EVI2A: variants seen among roughly 807,000 people sequenced by gnomAD.
The protein encoded by EVI2A is ecotropic viral integration site 2A.
In EVI2A, 11 loss-of-function variants were observed where a neutral mutation model predicts 13.0. That is an observed-to-expected ratio of 0.85 (90% CI 0.53 to 1.40). EVI2A has a LOEUF of 1.40. Ranked by LOEUF, EVI2A falls within the 40% of genes most tolerant of loss-of-function variation. EVI2A has a pLI of 0.00. For missense variants in EVI2A, 267 were observed against 279.5 expected, an observed-to-expected ratio of 0.96 and a Z score of 0.32; for synonymous variants, 89 against 98.0, an observed-to-expected ratio of 0.91 and a Z score of 0.54.
rs2069058781 is a variant in EVI2A at position 31,317,637 on chromosome 17, T to C, written c.*666A>G. The C allele has an allele frequency of 1.3e-5, 2 of 152,212 alleles. No individual in the cohort carries two copies. The highest frequency in any genetic ancestry group is 6.5e-5 in the Admixed American group (1 of 15,278). 9.4% of individuals were successfully genotyped at this position (152,212 alleles called of 1,614,324 possible). A position where few individuals can be genotyped will look rare whatever the true frequency, so the allele number is the denominator to read the frequency against. On this transcript the variant is annotated 3_prime_UTR_variant, in exon 2 of 2. Transcript: ENST00000462804. ...GATCTTTACAATGTGTTCTCTAAAGTAATAAAGTGAATGCAAATATACGTG... is the reference window on the plus strand; with the variant it reads ...GATCTTTACAATGTGTTCTCTAAAGCAATAAAGTGAATGCAAATATACGTG...
intron 1 of EVI2A, among the ~76,000 whole-genome samples, chr17:31,320,027 C>G (rs1464906680): frequency 6.6e-6 from 1 of 151,948 alleles, no homozygotes; most frequent in Non-Finnish European, 1.5e-5. Context: ...AAAAAGGAGA[C>G]AAGTTATATT....
At chr17:31,320,295 C>A in intron 1 of EVI2A, 2 of 1,201,152 alleles carry the variant, frequency 1.7e-6, no homozygotes, top group Non-Finnish European at 2.3e-6. Context: ...AAGAACCCTA[C>A]GTATGCTATA....
chr17:31,318,421 C>A lies in EVI2A; in HGVS notation c.593G>T (p.Arg198Ile), dbSNP rs1474458427. The A allele has an allele frequency of 3.7e-6, 6 of 1,613,912 alleles. No individual in the cohort carries two copies. Among genetic ancestry groups the A allele is most frequent in the Non-Finnish European group, 5.1e-6 (6 of 1,179,980 alleles). The change falls in exon 2 of 2, where the codon AGA becomes ATA. Residue 198 changes from arginine to isoleucine, a missense_variant. Arg to Ile is a moderately conservative substitution (Grantham distance 97). Coordinates refer to ENST00000462804, the MANE Select transcript of EVI2A (RefSeq NM_014210.4). ...LWPAESDTWK[R>I]TKQLTGPNLV... Reference sequence around the variant, plus strand: ...GTTGGGTCCTGTGAGCTGTTTTGTTCTTTTCCAAGTGTCTGATTCAGCGGG... The same window carrying A: ...GTTGGGTCCTGTGAGCTGTTTTGTTATTTTCCAAGTGTCTGATTCAGCGGG...
rs1221199835 is a variant in EVI2A at position 31,316,878 on chromosome 17, A to G, written c.*1425T>C. 6.6e-6 allele frequency among the ~76,000 whole-genome samples: 1 copy of G among 152,190 alleles called. No homozygotes were observed. The highest frequency in any genetic ancestry group is 1.5e-5 in the Non-Finnish European group (1 of 68,034). ...GCTTTATTTTTTTCCTCTCATTTTA[A>G]TAATAGCTAGACGTTTGAATTTGAT... On this transcript the variant is annotated 3_prime_UTR_variant, in exon 2 of 2. Coordinates refer to ENST00000462804, the MANE Select transcript of EVI2A (RefSeq NM_014210.4).
Position 31,319,164 on chromosome 17 carries a change from C to T in EVI2A, c.-10-141G>A, listed in dbSNP as rs543168834. ...TAATATTCGCTACCCTGAATTCCTT[C>T]TCAACTAAATTTCTTTTCTATTCAG... On this transcript the variant is annotated intron_variant, in intron 1 of 1. Transcript: ENST00000462804. 3.2e-5 allele frequency: 28 copies of T among 862,828 alleles called. No homozygotes were observed. The Middle Eastern group carries it at 8.0e-4, about 25-fold the overall frequency. The allele number at this position is 862,828 out of a possible 1,614,324, so 53.4% of individuals were successfully genotyped here. A position where few individuals can be genotyped will look rare whatever the true frequency, so the allele number is the denominator to read the frequency against.
At chr17:31,319,867 C>G (rs1420969732) in intron 1 of EVI2A, among the ~76,000 whole-genome samples, 1 of 151,138 alleles carries the variant, frequency 6.6e-6, no homozygotes, top group Non-Finnish European at 1.5e-5. Context: ...CTGATTTTGA[C>G]ATAATTGTAA....
At chr17:31,319,284 A>G (rs1350835493) in intron 1 of EVI2A, among the ~76,000 whole-genome samples, 2 of 151,968 alleles carry the variant, frequency 1.3e-5, no homozygotes, top group Non-Finnish European at 2.9e-5. Context: ...GTGGACTATC[A>G]TGGCTTTATA....
chr17:31,321,084 G>A (rs939700960), intron 1 of EVI2A: 19 of 152,250 alleles, frequency 1.2e-4, no homozygotes, highest in African/African-American at 2.6e-4. Flanking sequence ...ATTGAGGACT[G>A]TTTTTACTCC....
chr17:31,320,624 A>G, intron 1 of EVI2A: 1 of 470,854 alleles, frequency 2.1e-6, no homozygotes, highest in East Asian at 3.1e-5. Context: ...TATTAATAGT[A>G]GGGAGGAAAA....
Position 31,317,329 on chromosome 17 carries a change from G to A in EVI2A, c.*974C>T, listed in dbSNP as rs970723230. Among the ~76,000 whole-genome samples the A allele has an allele frequency of 6.7e-6, 1 of 149,476 alleles. No individual in the cohort carries two copies. Among genetic ancestry groups the A allele is most frequent in the Non-Finnish European group, 1.5e-5 (1 of 67,436 alleles). ...TTACTTGAAGCCAGTTTCTTTAAAG[G>A]TTAAATTATAACCTGAAGTATGCAG... is the stretch of plus-strand genomic sequence containing the variant. On this transcript the variant is annotated 3_prime_UTR_variant, in exon 2 of 2. Transcript: ENST00000462804.
At position 31,317,522 on chromosome 17, in the gene EVI2A, C is replaced by G. The variant is rs140071027; in HGVS notation, c.*781G>C. 6.6e-6 allele frequency: 1 copy of G among 151,986 alleles called. No homozygotes were observed. Among genetic ancestry groups the G allele is most frequent in the African/African-American group, 2.4e-5 (1 of 41,386 alleles). 9.4% of individuals were successfully genotyped at this position (151,986 alleles called of 1,614,324 possible). On this transcript the variant is annotated 3_prime_UTR_variant, in exon 2 of 2. Transcript: ENST00000462804. The stretch of plus-strand genomic sequence containing the variant: ...TATAGAAAAGATGAATATTATTAAT[C>G]ATAAACAGTGAAACATACTTTGCGT...
Position 31,318,111 on chromosome 17 carries a change from G to A in EVI2A, c.*192C>T, listed in dbSNP as rs1158708975. Reference sequence around the variant, plus strand: ...TATTATTTGCTTTTTAAAATATTCAGTGTCAAAACAAAAGTACACAGTTTA... The same window carrying A: ...TATTATTTGCTTTTTAAAATATTCAATGTCAAAACAAAAGTACACAGTTTA... On this transcript the variant is annotated 3_prime_UTR_variant, in exon 2 of 2. Transcript: ENST00000462804. 1 of 592,702 alleles carries A rather than the reference G, an allele frequency of 1.7e-6. No homozygotes were observed. Among genetic ancestry groups the A allele is most frequent in the African/African-American group, 1.9e-5 (1 of 51,934 alleles). The allele number at this position is 592,702 out of a possible 1,614,324, so 36.7% of individuals were successfully genotyped here. A position where few individuals can be genotyped will look rare whatever the true frequency, so the allele number is the denominator to read the frequency against.
intron 1 of EVI2A, among the ~76,000 whole-genome samples, chr17:31,319,898 A>G (rs2069135894): frequency 6.6e-6 from 1 of 152,148 alleles, no homozygotes; most frequent in African/African-American, 2.4e-5. Context: ...GTAATAAAAT[A>G]GAAATAGAGC....
chr17:31,318,292 AT>A lies in EVI2A; in HGVS notation c.*10del. 6.3e-7 allele frequency: 1 copy of A among 1,589,194 alleles called. No individual in the cohort carries two copies. The highest frequency in any genetic ancestry group is 1.4e-5 in the African/African-American group (1 of 73,394). ...ATAAGCCTTCTCATTGCTACTTTGC[AT>A]TTTTCTTCACTAACCTATCTGTTTG... On this transcript the variant is annotated 3_prime_UTR_variant, in exon 2 of 2. Transcript: ENST00000462804.
chr17:31,320,603 A>G (rs1476566781), intron 1 of EVI2A: 2 of 513,482 alleles, frequency 3.9e-6, no homozygotes, highest in Non-Finnish European at 6.9e-6. Flanking sequence ...CTAACTGGAG[A>G]CTATATTTCA....
At chr17:31,320,339 T>C in intron 1 of EVI2A, 4 of 1,348,788 alleles carry the variant, frequency 3.0e-6, no homozygotes, top group Non-Finnish European at 3.0e-6. Context: ...GGAGTCCTTT[T>C]ATTTAAAAAA....
Position 31,319,016 on chromosome 17 carries a change from T to C in EVI2A, c.-3A>G. On this transcript the variant is annotated 5_prime_UTR_variant, in exon 2 of 2. Coordinates refer to ENST00000462804, the MANE Select transcript of EVI2A (RefSeq NM_014210.4). Reference sequence around the variant, plus strand: ...GTGTGTTCCATGTCCGTGGGCATGCTTGGCAATCTGTTGGGATAGCAATAT... The same window carrying C: ...GTGTGTTCCATGTCCGTGGGCATGCCTGGCAATCTGTTGGGATAGCAATAT... The C allele has an allele frequency of 1.9e-6, 3 of 1,589,710 alleles. No homozygotes were observed. The highest frequency in any genetic ancestry group is 1.7e-6 in the Non-Finnish European group (2 of 1,172,312).
intron 1 of EVI2A, 27 bp from the exon 2 acceptor site, chr17:31,319,050 A>G (rs758565996): frequency 1.3e-6 from 2 of 1,546,696 alleles, no homozygotes; most frequent in Non-Finnish European, 1.7e-6. Flanking sequence ...ATAATTTGTT[A>G]GTTTGTGAAA....
intron 1 of EVI2A, chr17:31,320,400 T>C (rs1167857541): frequency 6.2e-7 from 1 of 1,610,282 alleles, no homozygotes; most frequent in Admixed American, 1.7e-5. Context: ...GGCCTGAAAG[T>C]CTTTGTTTCC....
Sources: gnomAD v4.1 joint callset for allele counts (sites outside exome capture counted in the v4.1 genomes callset) on GRCh38, gnomAD v4.1.1 for gene constraint, MANE v1.5 for transcripts, NCBI Gene and HGNC (gene_info 2026-07-23, HGNC 2026-07-21) for gene names.